Variants in ARHGAP26 observed in about 807,000 individuals in gnomAD.
ARHGAP26 encodes Rho GTPase activating protein 26, also known as rho GTPase-activating protein 26.
Under a neutral mutation model 104.8 loss-of-function variants are expected in ARHGAP26, and 38 were observed. The ratio of observed to expected loss-of-function variants is 0.36; its 90% confidence interval spans 0.28 to 0.48. The LOEUF is 0.48. Among genes scored for constraint, ARHGAP26 ranks in the 20% least tolerant of loss-of-function variants. The pLI is 0.99. For synonymous variants in ARHGAP26, 341 were observed against 340.0 expected (o/e 1.00, Z -0.03); for missense variants, 704 against 947.9 (o/e 0.74, Z 3.38).
At chr5:142,869,195 CTTTTTCTTTTTTCT>C (rs1426510457) in intron 1 of ARHGAP26, among the ~76,000 whole-genome samples, 1 of 147,930 alleles carries the variant, frequency 6.8e-6, no homozygotes, top group African/African-American at 2.5e-5. Context: ...TTTTCTTTTT[CTTTTTCTTTTTTCT>C]TTTTTTTTTT....
intron 11 of ARHGAP26, among the ~76,000 whole-genome samples, chr5:142,966,344 T>C (rs891611600): frequency 6.6e-6 from 1 of 152,234 alleles, no homozygotes; most frequent in Admixed American, 6.5e-5. Context: ...TTATTTTTTT[T>C]AATTTTCCAG....
chr5:142,824,825 C>G lies in ARHGAP26; in HGVS notation c.155-48575C>G, dbSNP rs1458006056. Among the ~76,000 whole-genome samples, 5 of 152,276 alleles carry G rather than the reference C, an allele frequency of 3.3e-5. No homozygotes were observed. In the Middle Eastern group the frequency reaches 0.017, roughly 518 times the overall value. ...GGCACCAAGAGTGCCACGGAAGGGG[C>G]TAGGCTTTCAGCAAAATGTGCAGGA... On this transcript the variant is annotated intron_variant, in intron 1 of 22. Transcript: ENST00000645722.
At chr5:142,788,432 A>T (rs191415740) in intron 1 of ARHGAP26, among the ~76,000 whole-genome samples, 1 of 152,298 alleles carries the variant, frequency 6.6e-6, no homozygotes, top group East Asian at 1.9e-4. Context: ...GTCACAGAAT[A>T]ACAAATTTCA....
chr5:143,041,928 A>G, intron 14 of ARHGAP26, 38 bp downstream of exon 14: 1 of 1,543,476 alleles, frequency 6.5e-7, no homozygotes, highest in Non-Finnish European at 8.8e-7. Flanking sequence ...AGGTCCCTGG[A>G]TGGGGGGCCC....
intron 5 of ARHGAP26, among the ~76,000 whole-genome samples, chr5:142,887,493 C>G (rs948392340): frequency 1.3e-5 from 2 of 152,164 alleles, no homozygotes; most frequent in Admixed American, 1.3e-4. Flanking sequence ...CTGTTCCGCT[C>G]CATTTTCTGT....
At chr5:143,008,274 G>T (rs182707701) in intron 11 of ARHGAP26, among the ~76,000 whole-genome samples, 1 of 152,290 alleles carries the variant, frequency 6.6e-6, no homozygotes, top group Non-Finnish European at 1.5e-5. Context: ...TGATGTGCAT[G>T]TTAGCCAATA....
At chr5:142,914,227 T>C (rs1762197785) in intron 10 of ARHGAP26, among the ~76,000 whole-genome samples, 1 of 152,274 alleles carries the variant, frequency 6.6e-6, no homozygotes, top group African/African-American at 2.4e-5. Flanking sequence ...GTGTCTACTC[T>C]GCACTGCAGG....
In ARHGAP26 at chr5:143,165,838, C is replaced by T. The variant is rs186114526; in HGVS notation, c.1988+18457C>T. Among the ~76,000 whole-genome samples the T allele has an allele frequency of 4.9e-4, 74 of 152,244 alleles. 1 individual carries two copies. In the East Asian group the frequency reaches 6.6e-3, roughly 13 times the overall value. On this transcript the variant is annotated intron_variant, in intron 20 of 22. Transcript: ENST00000645722. ...GTGTTTGATTTTCTATTTCTGAGTA[C>T]GACGAACAGTTCCTTGCCCTCTATA...
intron 11 of ARHGAP26, among the ~76,000 whole-genome samples, chr5:142,976,370 T>C (rs1773089808): frequency 6.6e-6 from 1 of 152,188 alleles, no homozygotes; most frequent in South Asian, 2.1e-4. Flanking sequence ...ATCTACTGCT[T>C]CTGAGGGACA....
chr5:143,216,409 A>C, intron 22 of ARHGAP26: 1 of 426,730 alleles, frequency 2.3e-6, no homozygotes, highest in Admixed American at 2.5e-5. Flanking sequence ...AATTACTTAC[A>C]AGGCCCTCCA....
intron 1 of ARHGAP26, among the ~76,000 whole-genome samples, chr5:142,801,289 T>C (rs1331710198): frequency 1.3e-5 from 2 of 152,376 alleles, no homozygotes; most frequent in East Asian, 3.9e-4. Flanking sequence ...ATTCTAGTGC[T>C]GCACTGTGGG....
intron 1 of ARHGAP26, among the ~76,000 whole-genome samples, chr5:142,830,829 T>A (rs1768266990): frequency 6.6e-6 from 1 of 152,182 alleles, no homozygotes; most frequent in Admixed American, 6.5e-5. Flanking sequence ...CGTATCCCCC[T>A]CTCTCAGTTT....
chr5:142,903,458 C>G, intron 7 of ARHGAP26, 82 bp from the exon 8 acceptor site: 11 of 1,441,144 alleles, frequency 7.6e-6, no homozygotes, highest in Non-Finnish European at 1.0e-5. Context: ...CATTTTAGAT[C>G]TAAGGATTCT....
At chr5:143,157,321 T>G (rs1429481449) in intron 20 of ARHGAP26, among the ~76,000 whole-genome samples, 1 of 151,896 alleles carries the variant, frequency 6.6e-6, no homozygotes, top group Non-Finnish European at 1.5e-5. Context: ...GGACTACAGG[T>G]GCACACCTCC....
chr5:142,905,258 T>C (rs1257853078), intron 8 of ARHGAP26, among the ~76,000 whole-genome samples: 1 of 152,152 alleles, frequency 6.6e-6, no homozygotes, highest in Admixed American at 6.6e-5. Flanking sequence ...ATCAATGTTG[T>C]TTTTTTGCAC....
At chr5:143,207,532 CAG>C (rs1808759473) in intron 21 of ARHGAP26, 4 of 1,587,012 alleles carry the variant, frequency 2.5e-6, no homozygotes, top group Admixed American at 1.7e-5. Flanking sequence ...CCAGGGACAA[CAG>C]GGGGCTGCCC....
chr5:143,221,175 C>G (rs1811078782), intron 22 of ARHGAP26, among the ~76,000 whole-genome samples: 2 of 152,130 alleles, frequency 1.3e-5, no homozygotes, highest in South Asian at 4.1e-4. Context: ...ACTGTGCAGA[C>G]TCAGCTGGAT....
At chr5:142,809,127 A>G (rs1763587468) in intron 1 of ARHGAP26, among the ~76,000 whole-genome samples, 1 of 152,200 alleles carries the variant, frequency 6.6e-6, no homozygotes, top group Non-Finnish European at 1.5e-5. Context: ...GTTAAATTTT[A>G]TACTGTAGAA....
intron 20 of ARHGAP26, among the ~76,000 whole-genome samples, chr5:143,176,961 G>A (rs772471784): frequency 1.3e-5 from 2 of 152,214 alleles, no homozygotes; most frequent in African/African-American, 2.4e-5. Flanking sequence ...AAAGCTGTGA[G>A]TGACATCTAA....
Sources: allele counts gnomAD v4.1 joint callset (sites outside exome capture counted in the v4.1 genomes callset), GRCh38; gene constraint gnomAD v4.1.1; transcripts MANE v1.5; gene names NCBI Gene and HGNC (gene_info 2026-07-23, HGNC 2026-07-21).